The following PTPRS variants were observed in gnomAD, a reference collection of about 807,000 sequenced individuals.
PTPRS encodes the protein protein tyrosine phosphatase receptor type S, also known as receptor-type tyrosine-protein phosphatase S.
Under a neutral mutation model 215.3 loss-of-function variants are expected in PTPRS, and 63 were observed. That is an observed-to-expected ratio of 0.29 (90% CI 0.24 to 0.36). PTPRS has a LOEUF of 0.36. PTPRS is among the 10% of genes least tolerant of loss of function. The pLI is 1.00. For synonymous variants in PTPRS, 1,404 were observed against 1,191.4 expected (o/e 1.18, Z -3.68); for missense variants, 2,258 against 2,825.8 (o/e 0.80, Z 4.56).
At chr19:5,268,182 TAAA>T (rs1349444011) in intron 4 of PTPRS, among the ~76,000 whole-genome samples, 26 of 132,948 alleles carry the variant, frequency 2.0e-4, no homozygotes, top group Admixed American at 3.0e-4. Flanking sequence ...AATAAATAAA[TAAA>T]TAAATTAATT....
rs1290564004 is a variant in PTPRS at position 5,339,074 on chromosome 19, G to C, written c.-95+1590C>G. On this transcript the variant is annotated intron_variant, in intron 1 of 37. Coordinates refer to ENST00000262963, the MANE Select transcript of PTPRS (RefSeq NM_002850.4). This position sits in a 1 kb window ranked among gnomAD's most constrained non-coding sequence, Gnocchi z 4.2. ...TAGGTATCATCCCTGCTGCTCAGCCGGGACTCCGACACCTCGGACACCCGC... is the reference window on the plus strand; with the variant it reads ...TAGGTATCATCCCTGCTGCTCAGCCCGGACTCCGACACCTCGGACACCCGC... Among the ~76,000 whole-genome samples the C allele has an allele frequency of 2.0e-5, 3 of 152,142 alleles. No individual in the cohort carries two copies. Among genetic ancestry groups the C allele is most frequent in the Non-Finnish European group, 2.9e-5 (2 of 68,022 alleles).
intron 2 of PTPRS, among the ~76,000 whole-genome samples, chr19:5,274,676 G>A (rs947077405): frequency 1.3e-5 from 2 of 151,886 alleles, no homozygotes; most frequent in Admixed American, 6.6e-5. Flanking sequence ...CAGACACAGT[G>A]CCACTGGGAA....
rs982447021 is a variant in PTPRS, at chr19:5,212,217, G to C, written c.4803C>G (p.Val1601=). 1 of 1,613,172 alleles carries C rather than the reference G, an allele frequency of 6.2e-7. No individual in the cohort carries two copies. Among genetic ancestry groups the C allele is most frequent in the Non-Finnish European group, 8.5e-7 (1 of 1,179,750 alleles). The change falls in exon 32 of 38, where the codon GTC becomes GTG. Residue 1601 remains valine (V), a synonymous_variant. Coordinates refer to ENST00000262963, the MANE Select transcript of PTPRS (RefSeq NM_002850.4). ...AGVGRTGCFI[V]IDAMLERIKP... The stretch of plus-strand genomic sequence containing the variant: ...TGATCCGCTCAAGCATGGCGTCGAT[G>C]ACGATAAAGCAGCCTGTGCGGCCCA...
chr19:5,257,886 C>A lies in PTPRS; in HGVS notation c.706+131G>T. The A allele has an allele frequency of 1.4e-6, 1 of 739,282 alleles. No individual in the cohort carries two copies. The highest frequency in any genetic ancestry group is 2.6e-5 in the East Asian group (1 of 38,654). The allele number at this position is 739,282 out of a possible 1,614,324, so 45.8% of individuals were successfully genotyped here. ...GGACGCCGCCTCGGCCAAGGTCCCACCGCGACCGGGGAGGGGCCTTCCTGC... is the reference window on the plus strand; with the variant it reads ...GGACGCCGCCTCGGCCAAGGTCCCAACGCGACCGGGGAGGGGCCTTCCTGC... On this transcript the variant is annotated intron_variant, in intron 8 of 37. Coordinates refer to ENST00000262963, the MANE Select transcript of PTPRS (RefSeq NM_002850.4). The surrounding 1 kb of genome is among the most constrained non-coding windows in gnomAD (Gnocchi z 4.4).
intron 9 of PTPRS, among the ~76,000 whole-genome samples, chr19:5,252,125 A>C (rs899775670): frequency 6.6e-6 from 1 of 152,182 alleles, no homozygotes; most frequent in African/African-American, 2.4e-5. Flanking sequence ...CAAATACTGA[A>C]AAAGAAGACC....
chr19:5,263,027 T>C (rs998613989), intron 5 of PTPRS, 55 bp from the exon 6 acceptor site: 23 of 1,274,926 alleles, frequency 1.8e-5, no homozygotes, highest in African/African-American at 3.2e-5. Context: ...TAACGGGTGG[T>C]TACAAAGAAT....
chr19:5,246,134 A>C, intron 9 of PTPRS, 89 bp from the exon 10 acceptor site: 1 of 690,804 alleles, frequency 1.4e-6, no homozygotes, highest in South Asian at 5.4e-5. Context: ...TGCGGAGGAG[A>C]AAAAGAAAAG....
At chr19:5,307,392 G>A (rs1228225923) in intron 1 of PTPRS, among the ~76,000 whole-genome samples, 1 of 152,064 alleles carries the variant, frequency 6.6e-6, no homozygotes, top group Non-Finnish European at 1.5e-5. Context: ...GAAGAGATTA[G>A]TATCTTAGTG....
intron 17 of PTPRS, among the ~76,000 whole-genome samples, chr19:5,224,285 G>A (rs148271945): frequency 7.2e-5 from 11 of 152,216 alleles, no homozygotes; most frequent in African/African-American, 2.7e-4. Flanking sequence ...TCCAGGAAGA[G>A]GGAACGGCCC....
intron 1 of PTPRS, among the ~76,000 whole-genome samples, chr19:5,297,548 T>C (rs553099019): frequency 3.3e-5 from 5 of 152,066 alleles, no homozygotes; most frequent in Admixed American, 1.3e-4. Context: ...ACACTGTCAA[T>C]AACATAAGGC....
rs116356914 is a variant in PTPRS, at chr19:5,218,767, G to A, written c.3935+20C>T. On this transcript the variant is annotated intron_variant, in intron 24 of 37. Coordinates refer to ENST00000262963, the MANE Select transcript of PTPRS (RefSeq NM_002850.4). The stretch of plus-strand genomic sequence containing the variant: ...TCTTCCTCTTGCCTGAAGCCTCCAC[G>A]GGGGAGGGCTGGTTCTTACCTGTCG... 4,735 of 1,612,282 alleles carry A rather than the reference G, an allele frequency of 2.9e-3. 126 individuals carry two copies. The African/African-American group carries it at 0.056, about 19-fold the overall frequency.
chr19:5,315,391 T>C (rs2049844575), intron 1 of PTPRS, among the ~76,000 whole-genome samples: 1 of 117,692 alleles, frequency 8.5e-6, no homozygotes, highest in Non-Finnish European at 1.7e-5. Flanking sequence ...TGAGACAGAG[T>C]CTCACTCCAT....
chr19:5,269,526 G>A (rs538866799), intron 4 of PTPRS, among the ~76,000 whole-genome samples: 73 of 152,222 alleles, frequency 4.8e-4, no homozygotes, highest in Non-Finnish European at 9.6e-4. Context: ...CTGGTGGCAA[G>A]GTGGGTGGGA....
At chr19:5,228,687 A>G (rs977402696) in intron 16 of PTPRS, among the ~76,000 whole-genome samples, 4 of 152,186 alleles carry the variant, frequency 2.6e-5, no homozygotes, top group African/African-American at 9.6e-5. Context: ...GGTTCTCAGC[A>G]GAGACTGGTA....
chr19:5,280,438 G>A (rs1216349229), intron 2 of PTPRS, among the ~76,000 whole-genome samples: 1 of 152,214 alleles, frequency 6.6e-6, no homozygotes, highest in Non-Finnish European at 1.5e-5. Flanking sequence ...ACTAGACCTG[G>A]CCGGGCGTGG....
intron 1 of PTPRS, among the ~76,000 whole-genome samples, chr19:5,312,468 T>G (rs1384169503): frequency 6.6e-6 from 1 of 152,038 alleles, no homozygotes; most frequent in Non-Finnish European, 1.5e-5. Context: ...GAGACCAGCC[T>G]GGCCAACATA....
intron 9 of PTPRS, among the ~76,000 whole-genome samples, chr19:5,253,644 T>A (rs1038026205): frequency 2.6e-5 from 4 of 152,194 alleles, no homozygotes; most frequent in Non-Finnish European, 2.9e-5. Flanking sequence ...GATCATGAGA[T>A]GAGCTCAGGA....
intron 1 of PTPRS, among the ~76,000 whole-genome samples, chr19:5,318,615 T>G (rs1210019164): frequency 6.6e-6 from 1 of 152,176 alleles, no homozygotes; most frequent in Non-Finnish European, 1.5e-5. Flanking sequence ...GAGAAGCAGC[T>G]GATAGACTGC....
chr19:5,278,117 C>T (rs953359253), intron 2 of PTPRS: 16 of 594,488 alleles, frequency 2.7e-5, no homozygotes, highest in East Asian at 1.1e-4. Context: ...TGCCAGGCTG[C>T]GCAGTGAAGA....
Sources: allele counts gnomAD v4.1 joint callset (sites outside exome capture counted in the v4.1 genomes callset), GRCh38; gene constraint gnomAD v4.1.1; non-coding constraint Gnocchi (gnomAD v3.1); transcripts MANE v1.5; gene names NCBI Gene and HGNC (gene_info 2026-07-23, HGNC 2026-07-21).